Variants in IL10RB observed in about 807,000 individuals in gnomAD.
IL10RB encodes interleukin-10 receptor subunit beta.
In IL10RB, 30 loss-of-function variants were observed where a neutral mutation model predicts 38.7. The observed-to-expected ratio is 0.78, with a 90% CI of 0.58 to 1.05. The LOEUF (loss-of-function observed/expected upper bound fraction) is 1.05. Among genes scored for constraint, IL10RB ranks in the 50% least tolerant of loss-of-function variants. IL10RB has a pLI of 0.00. For synonymous variants in IL10RB, 142 were observed against 145.9 expected (o/e 0.97, Z 0.19); for missense variants, 328 against 397.1 (o/e 0.83, Z 1.48).
In IL10RB at chr21:33,296,205, A is replaced by G. The variant is rs1389441693; in HGVS notation, c.826A>G (p.Asn276Asp). ...LKEFLGHPHH[N>D]TLLFFSFPLS... is the part of the protein sequence containing the mutation. ...ACAGTTTTTGGGCCATCCTCATCAT[A>G]ACACACTTCTGTTTTTCTCCTTTCC... The change falls in exon 7 of 7, where the codon AAC becomes GAC. Residue 276 changes from asparagine (N) to aspartate (D), a missense_variant. By Grantham distance (23) the Asn-to-Asp change is conservative. Transcript: ENST00000290200. 4 of 1,614,008 alleles carry G rather than the reference A, an allele frequency of 2.5e-6. No individual in the cohort carries two copies.
Position 33,266,455 on chromosome 21 carries a change from A to G in IL10RB, c.-11A>G, listed in dbSNP as rs201958765. The G allele has an allele frequency of 7.8e-6, 12 of 1,541,230 alleles. No homozygotes were observed. Among genetic ancestry groups the G allele is most frequent in the Non-Finnish European group, 1.0e-5 (12 of 1,146,598 alleles). ...GCTTGGAGGAAGCCGCGGAACCCCC[A>G]GCGTCCGTCCATGGCGTGGAGCCTT... On this transcript the variant is annotated 5_prime_UTR_variant, in exon 1 of 7. Coordinates refer to ENST00000290200, the MANE Select transcript of IL10RB (RefSeq NM_000628.5).
Position 33,296,407 on chromosome 21 carries a change from C to G in IL10RB, c.*50C>G. On this transcript the variant is annotated 3_prime_UTR_variant, in exon 7 of 7. Transcript: ENST00000290200. ...CTGGGCACAGTGACGTACTCCATCT[C>G]ACATCTGCCTCAGTGAGGGATCAGG... 1 of 1,571,222 alleles carries G rather than the reference C, an allele frequency of 6.4e-7. No homozygotes were observed. The highest frequency in any genetic ancestry group is 8.7e-7 in the Non-Finnish European group (1 of 1,149,600).
chr21:33,270,671 G>A (rs1356275028), intron 2 of IL10RB, among the ~76,000 whole-genome samples: 1 of 147,618 alleles, frequency 6.8e-6, no homozygotes, highest in Non-Finnish European at 1.5e-5. Flanking sequence ...ACCGCGCCCA[G>A]CCTTTTTTTT....
chr21:33,285,191 A>C (rs563210109), intron 5 of IL10RB, among the ~76,000 whole-genome samples: 9 of 152,158 alleles, frequency 5.9e-5, no homozygotes, highest in Non-Finnish European at 1.2e-4. Context: ...ATGCCCAGCC[A>C]TCCAGTTTTA....
intron 1 of IL10RB, among the ~76,000 whole-genome samples, chr21:33,303,286 G>A (rs909808006): frequency 2.0e-5 from 3 of 151,862 alleles, no homozygotes; most frequent in Admixed American, 6.6e-5. Context: ...GCTCTGTTGC[G>A]GGGAGGGTGG....
At chr21:33,275,966 T>C (rs528052120) in intron 2 of IL10RB, among the ~76,000 whole-genome samples, 1 of 152,332 alleles carries the variant, frequency 6.6e-6, no homozygotes, top group South Asian at 2.1e-4. Flanking sequence ...ATAATCATGA[T>C]GAAAAGTTTT....
downstream of IL10RB, among the ~76,000 whole-genome samples, chr21:33,297,544 A>G (rs1156478205): frequency 6.6e-6 from 1 of 152,232 alleles, no homozygotes; most frequent in African/African-American, 2.4e-5. Context: ...GTCTCCAGGT[A>G]CAATGGCTCA....
intron 1 of IL10RB, 89 bp from the exon 2 acceptor site, chr21:33,268,305 A>T (rs1322646765): frequency 6.3e-7 from 1 of 1,597,644 alleles, no homozygotes; most frequent in South Asian, 1.1e-5. Context: ...ATGGAGCCAT[A>T]GAGGAGAACC....
downstream of IL10RB, among the ~76,000 whole-genome samples, chr21:33,299,772 C>G (rs7278079): frequency 0.22 from 34,148 of 152,188 alleles, 4,009 homozygotes; most frequent in East Asian, 0.39. Context: ...CTAGGTGATT[C>G]CAGTTTGCAG....
chr21:33,274,419 C>T (rs1989134878), intron 2 of IL10RB, among the ~76,000 whole-genome samples: 1 of 152,094 alleles, frequency 6.6e-6, no homozygotes, highest in African/African-American at 2.4e-5. Flanking sequence ...AGTGATTTGC[C>T]CGCCTTGGCC....
At chr21:33,268,543 G>T in intron 2 of IL10RB, 26 bp downstream of exon 2, 1 of 1,538,550 alleles carries the variant, frequency 6.5e-7, no homozygotes, top group East Asian at 2.2e-5. Flanking sequence ...CTATTGGCAG[G>T]AACGCACCGG....
intron 4 of IL10RB, among the ~76,000 whole-genome samples, chr21:33,280,974 T>C (rs1266687786): frequency 6.6e-6 from 1 of 152,242 alleles, no homozygotes; most frequent in Non-Finnish European, 1.5e-5. Flanking sequence ...TTATAAACAC[T>C]AGAAATTTAT....
intron 3 of IL10RB, 45 bp from the exon 4 acceptor site, chr21:33,279,707 T>C (rs780081418): frequency 4.1e-5 from 64 of 1,572,622 alleles, no homozygotes; most frequent in Non-Finnish European, 5.6e-5. Context: ...TTGAAGTTTT[T>C]AAAATGTGAT....
chr21:33,279,809 G>C lies in IL10RB; in HGVS notation c.389G>C (p.Arg130Pro). The change falls in exon 4 of 7, where the codon CGT (arginine) becomes CCT (proline). Residue 130 changes from arginine (R) to proline (P), a missense_variant. Transcript: ENST00000290200. ...VEVLADSLHMRFLAPKIENEY... is the reference protein window; with the variant it reads ...VEVLADSLHMPFLAPKIENEY... Reference sequence around the variant, plus strand: ...GTACTTGCTGATTCTTTACATATGCGTTTCTTAGCCCCTAAAATTGAGAAT... The same window carrying C: ...GTACTTGCTGATTCTTTACATATGCCTTTCTTAGCCCCTAAAATTGAGAAT... 6.2e-7 allele frequency: 1 copy of C among 1,613,580 alleles called. No individual in the cohort carries two copies. The highest frequency in any genetic ancestry group is 8.5e-7 in the Non-Finnish European group (1 of 1,179,528).
intron 6 of IL10RB, among the ~76,000 whole-genome samples, chr21:33,295,421 T>C (rs4553898): frequency 0.099 from 14,559 of 147,680 alleles, 1,185 homozygotes; most frequent in African/African-American, 0.22. Context: ...CCTGTAATCC[T>C]GACACTTTGG....
chr21:33,266,492 G>C lies in IL10RB; in HGVS notation c.27G>C (p.Leu9=), dbSNP rs1413979253. The C allele has an allele frequency of 8.4e-6, 13 of 1,542,990 alleles. No individual in the cohort carries two copies. Among genetic ancestry groups the C allele is most frequent in the South Asian group, 1.2e-5 (1 of 84,076 alleles). Residue 9 remains leucine, a synonymous_variant, in exon 1 of 7, where the codon CTG becomes CTC. Transcript: ENST00000290200. ...TGGCGTGGAGCCTTGGGAGCTGGCT[G>C]GGTGGCTGCCTGCTGGTGTCAGGTG... MAWSLGSW[L]GGCLLVSALG...
downstream of IL10RB, among the ~76,000 whole-genome samples, chr21:33,301,199 A>G (rs937803727): frequency 3.3e-5 from 5 of 152,192 alleles, no homozygotes; most frequent in Non-Finnish European, 5.9e-5. Context: ...ACAAACGGGA[A>G]GTAAAAAACA....
intron 5 of IL10RB, among the ~76,000 whole-genome samples, chr21:33,287,732 G>A (rs1989400927): frequency 6.6e-6 from 1 of 152,092 alleles, no homozygotes; most frequent in African/African-American, 2.4e-5. Context: ...AGAACGAGAT[G>A]GTGCCTGTGT....
intron 1 of IL10RB, among the ~76,000 whole-genome samples, chr21:33,266,765 C>G (rs982299708): frequency 6.6e-6 from 1 of 152,176 alleles, no homozygotes; most frequent in African/African-American, 2.4e-5. Flanking sequence ...GGGGAGACTC[C>G]CGGCGTCTTT....
Sources: gnomAD v4.1 joint callset for allele counts (sites outside exome capture counted in the v4.1 genomes callset) on GRCh38, gnomAD v4.1.1 for gene constraint, MANE v1.5 for transcripts, NCBI Gene and HGNC (gene_info 2026-07-23, HGNC 2026-07-21) for gene names.